The following TOM1 variants were observed in gnomAD, a reference collection of about 807,000 sequenced individuals.
TOM1 encodes the protein target of Myb protein 1.
Under a neutral mutation model 61.3 loss-of-function variants are expected in TOM1, and 38 were observed. That is an observed-to-expected ratio of 0.62 (90% CI 0.48 to 0.81). The LOEUF is 0.81. TOM1 is among the 40% of genes least tolerant of loss of function. The pLI is 0.00. For missense variants in TOM1, 591 were observed against 659.6 expected (o/e 0.90, Z 1.14); for synonymous variants, 270 against 268.8 (o/e 1.00, Z -0.04).
chr22:35,327,484 C>T (rs1287706387), intron 7 of TOM1, 97 bp downstream of exon 7: 1 of 833,238 alleles, frequency 1.2e-6, no homozygotes, highest in Non-Finnish European at 1.9e-6. Context: ...TCATGGCTTA[C>T]TCCATACTCC....
upstream of TOM1, chr22:35,299,852 C>G (rs1925547169): frequency 7.9e-6 from 12 of 1,509,536 alleles, no homozygotes; most frequent in Non-Finnish European, 1.1e-5. Context: ...CCTCCGAGTG[C>G]GTCACGTGAC....
chr22:35,331,093 CTTTTTT>C (rs773623729), intron 8 of TOM1, among the ~76,000 whole-genome samples: 1 of 127,160 alleles, frequency 7.9e-6, no homozygotes. Flanking sequence ...ACCTGTCCAC[CTTTTTT>C]TTTTTTTTTT....
chr22:35,321,185 A>G (rs1374479392), intron 2 of TOM1, among the ~76,000 whole-genome samples: 3 of 151,908 alleles, frequency 2.0e-5, no homozygotes, highest in East Asian at 1.9e-4. Flanking sequence ...CCCCATCTCT[A>G]TTTTTGTAAT....
chr22:35,337,393 A>G (rs994090454), intron 11 of TOM1, among the ~76,000 whole-genome samples: 2 of 151,950 alleles, frequency 1.3e-5, no homozygotes, highest in African/African-American at 4.8e-5. Flanking sequence ...GAAGTCAGCA[A>G]CCTGACGCCC....
At chr22:35,320,427 C>T (rs1253946163) in intron 2 of TOM1, among the ~76,000 whole-genome samples, 3 of 152,152 alleles carry the variant, frequency 2.0e-5, no homozygotes, top group Non-Finnish European at 4.4e-5. Context: ...GGCACCCCAG[C>T]TTCCAGGGGC....
rs201629505 is a variant in TOM1 at position 35,343,134 on chromosome 22, ACAT to A, written c.1225-2589_1225-2587del. On this transcript the variant is annotated intron_variant, in intron 12 of 14. Transcript: ENST00000449058. ...ACACACCCACACACACCACACACAC[ACAT>A]CTACACCCACCACACACACCTCCAC... Among the ~76,000 whole-genome samples the A allele has an allele frequency of 5.2e-4, 63 of 121,644 alleles. 1 individual carries two copies. The East Asian group carries it at 0.014, about 27-fold the overall frequency. 79.8% of individuals were successfully genotyped at this position (121,644 alleles called of 152,430 possible). A position where few individuals can be genotyped will look rare whatever the true frequency, so the allele number is the denominator to read the frequency against.
At chr22:35,305,658 C>CAA (rs137868113) in intron 1 of TOM1, among the ~76,000 whole-genome samples, 4 of 130,502 alleles carry the variant, frequency 3.1e-5, no homozygotes, top group African/African-American at 3.2e-5. Flanking sequence ...GACTCAATCT[C>CAA]AAAAAAAAAA....
chr22:35,346,804 C>A, intron 13 of TOM1, 126 bp from the exon 14 acceptor site: 1 of 861,408 alleles, frequency 1.2e-6, no homozygotes, highest in Non-Finnish European at 1.8e-6. Flanking sequence ...GTGGTGGGGG[C>A]GTGCAGAGCC....
chr22:35,322,451 C>T, intron 3 of TOM1: 1 of 210,728 alleles, frequency 4.7e-6, no homozygotes, highest in Non-Finnish European at 9.5e-6. Context: ...CTTGCCCACA[C>T]CACTGAACCA....
At chr22:35,317,225 G>A (rs1353157821) in intron 1 of TOM1, among the ~76,000 whole-genome samples, 1 of 152,036 alleles carries the variant, frequency 6.6e-6, no homozygotes, top group Non-Finnish European at 1.5e-5. Context: ...ATGGAGTTTC[G>A]CTCTCGTTGT....
At chr22:35,318,985 A>T (rs1450431300) in intron 2 of TOM1, among the ~76,000 whole-genome samples, 3 of 152,248 alleles carry the variant, frequency 2.0e-5, no homozygotes. Flanking sequence ...GGCTGTGGGC[A>T]TCTGAGTCAC....
intron 12 of TOM1, among the ~76,000 whole-genome samples, chr22:35,342,420 C>A (rs1049542414): frequency 7.2e-5 from 11 of 152,006 alleles, no homozygotes; most frequent in Admixed American, 6.6e-4. Flanking sequence ...GCATGTGTGC[C>A]ATGGATGAAT....
At chr22:35,311,992 C>T (rs1035069373) in intron 1 of TOM1, among the ~76,000 whole-genome samples, 1 of 152,126 alleles carries the variant, frequency 6.6e-6, no homozygotes, top group Non-Finnish European at 1.5e-5. Context: ...CGGTGGCTCA[C>T]GCCTGTAATC....
At chr22:35,328,136 C>T (rs1194214510) in intron 7 of TOM1, among the ~76,000 whole-genome samples, 1 of 152,222 alleles carries the variant, frequency 6.6e-6, no homozygotes, top group Admixed American at 6.5e-5. Flanking sequence ...TTCCTCGCCA[C>T]CGTGTCTGTG....
At chr22:35,304,495 A>G (rs138747) in intron 1 of TOM1, among the ~76,000 whole-genome samples, 1 of 151,642 alleles carries the variant, frequency 6.6e-6, no homozygotes, top group Admixed American at 6.6e-5. Flanking sequence ...TTTGTTTTTT[A>G]TGAGACAGAG....
chr22:35,335,584 C>T (rs1929239977), intron 11 of TOM1: 1 of 153,858 alleles, frequency 6.5e-6, no homozygotes, highest in Non-Finnish European at 1.5e-5. Context: ...CAGCAGGCAA[C>T]ACTGCTGGCC....
At chr22:35,305,457 T>C (rs138754) in intron 1 of TOM1, among the ~76,000 whole-genome samples, 139,030 of 152,096 alleles carry the variant, frequency 0.91, 63,778 homozygotes, top group East Asian at 1. Context: ...GTCAAGAAAT[T>C]GAGACCATCC....
chr22:35,327,263 T>C lies in TOM1; in HGVS notation c.649-8T>C. 1.9e-6 allele frequency: 3 copies of C among 1,612,618 alleles called. No homozygotes were observed. Among genetic ancestry groups the C allele is most frequent in the South Asian group, 2.2e-5 (2 of 91,054 alleles). ...GCTTCTCTCACCACGATCAACTGTG[T>C]GTTTCAGATTGGGAAGCTGCGCAGT... is the stretch of plus-strand genomic sequence containing the variant. On this transcript the variant is annotated splice_region_variant and splice_polypyrimidine_tract_variant and intron_variant, in intron 6 of 14. Coordinates refer to ENST00000449058, the MANE Select transcript of TOM1 (RefSeq NM_005488.3).
chr22:35,318,132 C>T (rs968385648), intron 2 of TOM1, 171 bp downstream of exon 2: 1 of 614,670 alleles, frequency 1.6e-6, no homozygotes, highest in African/African-American at 1.8e-5. Flanking sequence ...TACCTGAGCC[C>T]CATCCAAGGT....
Sources: allele counts gnomAD v4.1 joint callset (sites outside exome capture counted in the v4.1 genomes callset), GRCh38; gene constraint gnomAD v4.1.1; transcripts MANE v1.5; gene names NCBI Gene and HGNC (gene_info 2026-07-23, HGNC 2026-07-21).